Variants in TTLL11 observed in about 807,000 individuals in gnomAD.
TTLL11 encodes tubulin polyglutamylase TTLL11.
TTLL11 carries 42 observed loss-of-function variants against 51.7 expected under a neutral mutation model. That is an observed-to-expected ratio of 0.81 (90% CI 0.64 to 1.05). TTLL11 has a LOEUF of 1.05. Ranked by LOEUF, TTLL11 falls within the 50% of genes least tolerant of loss-of-function variation. TTLL11 has a pLI of 0.00. For synonymous variants in TTLL11, 381 were observed against 383.5 expected (o/e 0.99, Z 0.08); for missense variants, 799 against 940.4 (o/e 0.85, Z 1.97).
chr9:121,975,316 G>A (rs552138338), intron 4 of TTLL11, among the ~76,000 whole-genome samples: 132 of 152,246 alleles, frequency 8.7e-4, no homozygotes, highest in African/African-American at 2.9e-3. Flanking sequence ...CTTTTCTTCT[G>A]CTCTCGTTTA....
At chr9:121,912,812 GC>G (rs1188692566) in intron 6 of TTLL11, among the ~76,000 whole-genome samples, 4 of 151,428 alleles carry the variant, frequency 2.6e-5, no homozygotes, top group Non-Finnish European at 5.9e-5. Flanking sequence ...TGATCTCTAA[GC>G]CCCATAAAGA....
At chr9:121,940,754 GC>G (rs1259057893) in intron 6 of TTLL11, among the ~76,000 whole-genome samples, 1 of 152,172 alleles carries the variant, frequency 6.6e-6, no homozygotes, top group East Asian at 1.9e-4. Context: ...CTAGCTCACT[GC>G]ATGGTAGAGA....
At chr9:121,950,413 T>A (rs558844990) in intron 6 of TTLL11, among the ~76,000 whole-genome samples, 1 of 152,232 alleles carries the variant, frequency 6.6e-6, no homozygotes, top group South Asian at 2.1e-4. Context: ...ATTATTAAAT[T>A]AACCCCTGTC....
intron 6 of TTLL11, among the ~76,000 whole-genome samples, chr9:121,925,477 G>C (rs1033989333): frequency 1.6e-5 from 2 of 123,942 alleles, no homozygotes; most frequent in African/African-American, 6.1e-5. Context: ...GGACACATCA[G>C]GCCTGTTCAT....
intron 7 of TTLL11, among the ~76,000 whole-genome samples, chr9:121,865,252 G>GC (rs1404249355): frequency 6.6e-6 from 1 of 151,988 alleles, no homozygotes; most frequent in Non-Finnish European, 1.5e-5. Context: ...AGAGAATAAA[G>GC]CCCCCCGCAG....
chr9:121,954,663 C>T (rs192084217), intron 6 of TTLL11, among the ~76,000 whole-genome samples: 50 of 135,544 alleles, frequency 3.7e-4, no homozygotes, highest in African/African-American at 1.3e-3. Context: ...TGCAAGCACA[C>T]ACACACACAC....
intron 3 of TTLL11, among the ~76,000 whole-genome samples, chr9:122,012,440 GA>G (rs895742296): frequency 1.8e-4 from 26 of 145,830 alleles, no homozygotes; most frequent in Middle Eastern, 3.4e-3. Flanking sequence ...GAGAGAGAGA[GA>G]AAAAAAAAAG....
chr9:121,844,208 C>T (rs10985416), intron 8 of TTLL11, among the ~76,000 whole-genome samples: 5,103 of 151,860 alleles, frequency 0.034, 256 homozygotes, highest in African/African-American at 0.11. Flanking sequence ...CACTCCAGTG[C>T]AATAACAGTG....
At chr9:122,092,664 G>T in intron 1 of TTLL11, 23 bp downstream of exon 1, 1 of 1,536,134 alleles carries the variant, frequency 6.5e-7, no homozygotes. Flanking sequence ...GTGCCCACGC[G>T]GCCGGGTCGG....
intron 8 of TTLL11, 66 bp downstream of exon 8, chr9:121,860,271 C>A: frequency 7.9e-7 from 1 of 1,264,428 alleles, no homozygotes; most frequent in Non-Finnish European, 1.1e-6. Context: ...CAAGAAGGAA[C>A]AGAAAATATA....
intron 6 of TTLL11, among the ~76,000 whole-genome samples, chr9:121,957,888 C>A (rs1842070743): frequency 6.6e-6 from 1 of 152,116 alleles, no homozygotes. Context: ...TAGATGGAGT[C>A]AGGATTGGGA....
intron 6 of TTLL11, among the ~76,000 whole-genome samples, chr9:121,943,524 T>G (rs1168897805): frequency 2.0e-5 from 3 of 152,228 alleles, no homozygotes; most frequent in African/African-American, 7.2e-5. Context: ...TGGAAGATCA[T>G]TTAGGCCTCA....
intron 7 of TTLL11, among the ~76,000 whole-genome samples, chr9:121,863,981 G>C (rs1019450493): frequency 6.6e-6 from 1 of 152,188 alleles, no homozygotes; most frequent in Admixed American, 6.5e-5. Flanking sequence ...GGACCAGAAG[G>C]GTTGGAGCCT....
In TTLL11 at chr9:121,817,620, A is replaced by G. The variant is rs1261770385; in HGVS notation, c.*4967T>C. ...GAGAGCCTCAAGCTAAGTCCCCAGA[A>G]CTGAGTGGAGCAAACACCCAGCCTC... On this transcript the variant is annotated 3_prime_UTR_variant, in exon 9 of 9. Coordinates refer to ENST00000321582, the MANE Select transcript of TTLL11 (RefSeq NM_001139442.2). 6.6e-6 allele frequency: 1 copy of G among 152,272 alleles called. No individual in the cohort carries two copies. Among genetic ancestry groups the G allele is most frequent in the East Asian group, 1.9e-4 (1 of 5,196 alleles). 9.4% of individuals were successfully genotyped at this position (152,272 alleles called of 1,614,324 possible). A position where few individuals can be genotyped will look rare whatever the true frequency, so the allele number is the denominator to read the frequency against.
chr9:121,930,744 G>A (rs1840934361), intron 6 of TTLL11, among the ~76,000 whole-genome samples: 1 of 152,226 alleles, frequency 6.6e-6, no homozygotes, highest in Non-Finnish European at 1.5e-5. Context: ...CACTCTATGT[G>A]TGGACCTTTG....
chr9:121,954,552 A>C (rs542308095), intron 6 of TTLL11, among the ~76,000 whole-genome samples: 1 of 152,354 alleles, frequency 6.6e-6, no homozygotes, highest in South Asian at 2.1e-4. Flanking sequence ...TAGCGTTCAT[A>C]ACCAGAACTA....
At chr9:122,001,441 G>A (rs80082390) in intron 3 of TTLL11, among the ~76,000 whole-genome samples, 3,984 of 149,358 alleles carry the variant, frequency 0.027, 180 homozygotes, top group African/African-American at 0.093. Flanking sequence ...ATAAGGATCT[G>A]AGACTGAGCA....
chr9:121,942,418 T>A (rs1342135162), intron 6 of TTLL11, among the ~76,000 whole-genome samples: 1 of 152,178 alleles, frequency 6.6e-6, no homozygotes, highest in Non-Finnish European at 1.5e-5. Context: ...TGCTCACTTG[T>A]GTATTTTATG....
intron 2 of TTLL11, among the ~76,000 whole-genome samples, chr9:122,038,839 T>C (rs755486992): frequency 1.3e-5 from 2 of 152,178 alleles, no homozygotes; most frequent in Non-Finnish European, 2.9e-5. Flanking sequence ...TAGTACTTAA[T>C]ATGGAGACCA....
Sources: gnomAD v4.1 joint callset for allele counts (sites outside exome capture counted in the v4.1 genomes callset) on GRCh38, gnomAD v4.1.1 for gene constraint, MANE v1.5 for transcripts, NCBI Gene and HGNC (gene_info 2026-07-23, HGNC 2026-07-21) for gene names.